The following GNL1 variants were observed in gnomAD, a reference collection of about 807,000 sequenced individuals.
The protein encoded by GNL1 is G protein nucleolar 1, also known as guanine nucleotide-binding protein-like 1.
GNL1 carries 21 observed loss-of-function variants against 75.2 expected under a neutral mutation model. That is an observed-to-expected ratio of 0.28 (90% confidence interval 0.20 to 0.40). The LOEUF (loss-of-function observed/expected upper bound fraction) is 0.40. Ranked by LOEUF, GNL1 falls within the 10% of genes least tolerant of loss-of-function variation. The pLI is 1.00. For missense variants in GNL1, 579 were observed against 775.0 expected, an observed-to-expected ratio of 0.75 and a Z score of 3.00; for synonymous variants, 287 against 303.4, an observed-to-expected ratio of 0.95 and a Z score of 0.56.
chr6:30,555,225 T>C lies in GNL1; in HGVS notation c.240-34A>G, dbSNP rs373837680. On this transcript the variant is annotated intron_variant, in intron 2 of 11. Transcript: ENST00000376621. This position sits in a 1 kb window ranked among gnomAD's most constrained non-coding sequence, Gnocchi z 4.3. The stretch of plus-strand genomic sequence containing the variant: ...ACAGGGACCGAGACATCCAGAGCAA[T>C]CCTGTGGCCACAAACTCCTATTTTC... 135 of 1,612,454 alleles carry C rather than the reference T, an allele frequency of 8.4e-5. No homozygotes were observed. Among genetic ancestry groups the C allele is most frequent in the Non-Finnish European group, 1.1e-4 (128 of 1,179,726 alleles).
In GNL1 at chr6:30,547,600, T is replaced by C; in HGVS notation, c.1100-70A>G. ...GTGATGGGACTTGGTGCTATACCTATAGGTAAAAGGGGAACTAAGGCTCAG... is the reference window on the plus strand; with the variant it reads ...GTGATGGGACTTGGTGCTATACCTACAGGTAAAAGGGGAACTAAGGCTCAG... On this transcript the variant is annotated intron_variant, in intron 8 of 11. Coordinates refer to ENST00000376621, the MANE Select transcript of GNL1 (RefSeq NM_005275.5). This position sits in a 1 kb window ranked among gnomAD's most constrained non-coding sequence, Gnocchi z 5.5. The C allele has an allele frequency of 2.3e-6, 3 of 1,285,258 alleles. No individual in the cohort carries two copies. Among genetic ancestry groups the C allele is most frequent in the South Asian group, 1.3e-5 (1 of 79,678 alleles). 79.6% of individuals were successfully genotyped at this position (1,285,258 alleles called of 1,614,324 possible).
At position 30,556,103 on chromosome 6, in the gene GNL1, C is replaced by T; in HGVS notation, c.73+28G>A. On this transcript the variant is annotated intron_variant, in intron 1 of 11. Coordinates refer to ENST00000376621, the MANE Select transcript of GNL1 (RefSeq NM_005275.5). This position sits in a 1 kb window ranked among gnomAD's most constrained non-coding sequence, Gnocchi z 5.7. ...TCCAGATGTGCGGAAGCCCGAGCCC[C>T]GCCCCCTCCTCCCGCTCCCGCACTG... 1.9e-6 allele frequency: 3 copies of T among 1,596,674 alleles called. No individual in the cohort carries two copies. In the South Asian group the frequency reaches 3.3e-5, roughly 18 times the overall value.
In GNL1 at chr6:30,555,079, G is replaced by T; in HGVS notation, c.352C>A (p.Arg118=). 6.2e-7 allele frequency: 1 copy of T among 1,612,862 alleles called. No individual in the cohort carries two copies. Among genetic ancestry groups the T allele is most frequent in the Non-Finnish European group, 8.5e-7 (1 of 1,179,986 alleles). The change falls in exon 3 of 12, where the codon CGG becomes AGG. Residue 118 remains arginine (R), a synonymous_variant. Coordinates refer to ENST00000376621, the MANE Select transcript of GNL1 (RefSeq NM_005275.5). The surrounding 1 kb of genome is among the most constrained non-coding windows in gnomAD (Gnocchi z 4.3). Reference sequence around the variant, plus strand: ...CCTGAGCCAGGCTGATACACCTCCCGGATGTCCAGCTCCAACAACTCAGCA... The same window carrying T: ...CCTGAGCCAGGCTGATACACCTCCCTGATGTCCAGCTCCAACAACTCAGCA... The part of the protein sequence containing the change: ...VSAELLELDI[R]EVYQPGSVLD...
In GNL1 at chr6:30,554,964, A is replaced by G. The variant is rs1336516013; in HGVS notation, c.377-49T>C. On this transcript the variant is annotated intron_variant, in intron 3 of 11. Transcript: ENST00000376621. ...AGTGTGAGGAAATCTTCAGGATTCA[A>G]GAGTACATCCCAGACCCCTCCTTCC... is the stretch of plus-strand genomic sequence containing the variant. The G allele has an allele frequency of 2.5e-6, 4 of 1,610,492 alleles. No homozygotes were observed. The Admixed American group carries it at 5.0e-5, about 20-fold the overall frequency.
rs1465812152 is a variant in GNL1, at chr6:30,548,510, C to G, written c.1100-980G>C. Among the ~76,000 whole-genome samples, 1 of 152,152 alleles carries G rather than the reference C, an allele frequency of 6.6e-6. No homozygotes were observed. Among genetic ancestry groups the G allele is most frequent in the Non-Finnish European group, 1.5e-5 (1 of 68,036 alleles). ...CTTAACACAGTAACACTATGCAATACCCAACTCGTGTCCTCAATTTCCTTC... is the reference window on the plus strand; with the variant it reads ...CTTAACACAGTAACACTATGCAATAGCCAACTCGTGTCCTCAATTTCCTTC... On this transcript the variant is annotated intron_variant, in intron 8 of 11. Coordinates refer to ENST00000376621, the MANE Select transcript of GNL1 (RefSeq NM_005275.5). The surrounding 1 kb of genome is among the most constrained non-coding windows in gnomAD (Gnocchi z 4.2).
rs1243472548 is a variant in GNL1, at chr6:30,555,040, C to A, written c.376+15G>T. The A allele has an allele frequency of 6.2e-7, 1 of 1,613,002 alleles. No homozygotes were observed. Among genetic ancestry groups the A allele is most frequent in the Non-Finnish European group, 8.5e-7 (1 of 1,179,994 alleles). ...ACTCCTTCCCCAGCCCAATGCCTGT[C>A]TTGCTCTCACTCACCTGAGCCAGGC... On this transcript the variant is annotated intron_variant, in intron 3 of 11. Transcript: ENST00000376621. The surrounding 1 kb of genome is among the most constrained non-coding windows in gnomAD (Gnocchi z 4.3).
chr6:30,553,588 G>A (rs1268195263), intron 5 of GNL1, 31 bp from the exon 6 acceptor site: 2 of 1,523,470 alleles, frequency 1.3e-6, no homozygotes, highest in Admixed American at 1.7e-5. Flanking sequence ...GGATGGAGCA[G>A]TGAAAGTCAA....
Position 30,547,565 on chromosome 6 carries a change from T to C in GNL1, c.1100-35A>G, listed in dbSNP as rs1460951851. ...GCAAGGAAAATTAACGTTTAACAGG[T>C]TTCTACTCTGTGATGGGACTTGGTG... On this transcript the variant is annotated intron_variant, in intron 8 of 11. Coordinates refer to ENST00000376621, the MANE Select transcript of GNL1 (RefSeq NM_005275.5). This position sits in a 1 kb window ranked among gnomAD's most constrained non-coding sequence, Gnocchi z 5.5. The C allele has an allele frequency of 6.3e-7, 1 of 1,582,830 alleles. No homozygotes were observed.
Position 30,556,073 on chromosome 6 carries a change from C to T in GNL1, c.73+58G>A. On this transcript the variant is annotated intron_variant, in intron 1 of 11. Coordinates refer to ENST00000376621, the MANE Select transcript of GNL1 (RefSeq NM_005275.5). This position sits in a 1 kb window ranked among gnomAD's most constrained non-coding sequence, Gnocchi z 5.7. The stretch of plus-strand genomic sequence containing the variant: ...CCCCAGAGGTGCAGCGGGCACACCC[C>T]TCCTTCCAGATGTGCGGAAGCCCGA... The T allele has an allele frequency of 1.9e-6, 3 of 1,578,662 alleles. No homozygotes were observed. Among genetic ancestry groups the T allele is most frequent in the Non-Finnish European group, 2.6e-6 (3 of 1,161,102 alleles).
rs1370668349 is a variant in GNL1, at chr6:30,542,480, C to G, written c.*3592G>C. ...CAGCCACGACCTCTCTTTCCCCAAG[C>G]TCCATTTGCATAAACTGTCTCTGAT... On this transcript the variant is annotated 3_prime_UTR_variant, in exon 12 of 12. Transcript: ENST00000376621. The surrounding 1 kb of genome is among the most constrained non-coding windows in gnomAD (Gnocchi z 4.5). 1 of 152,374 alleles carries G rather than the reference C, an allele frequency of 6.6e-6. No homozygotes were observed. Among genetic ancestry groups the G allele is most frequent in the Non-Finnish European group, 1.5e-5 (1 of 68,112 alleles). 9.4% of individuals were successfully genotyped at this position (152,374 alleles called of 1,614,324 possible).
rs1056056484 is a variant in GNL1, at chr6:30,545,868, G to T, written c.*204C>A. 1 of 556,412 alleles carries T rather than the reference G, an allele frequency of 1.8e-6. No individual in the cohort carries two copies. Among genetic ancestry groups the T allele is most frequent in the African/African-American group, 2.0e-5 (1 of 50,294 alleles). The allele number at this position is 556,412 out of a possible 1,614,324, so 34.5% of individuals were successfully genotyped here. A position where few individuals can be genotyped will look rare whatever the true frequency, so the allele number is the denominator to read the frequency against. On this transcript the variant is annotated 3_prime_UTR_variant, in exon 12 of 12. Transcript: ENST00000376621. ...CTAAGAGAACTTTCCCTTGCAAAGA[G>T]AATGCATGAAAAAAGAAGGGAGAAG... is the stretch of plus-strand genomic sequence containing the variant.
rs1170134878 is a variant in GNL1, at chr6:30,553,552, C to A, written c.606G>T (p.Val202=). ...LLITDIRHPV[V]NFPPALYEYV... The stretch of plus-strand genomic sequence containing the variant: ...ACTCATAAAGTGCTGGCGGGAAATT[C>A]ACAACCTAGGACAGAGTTGATAAGA... Residue 202 remains valine, a synonymous_variant, in exon 6 of 12, where the codon GTG becomes GTT. Coordinates refer to ENST00000376621, the MANE Select transcript of GNL1 (RefSeq NM_005275.5). The A allele has an allele frequency of 6.2e-7, 1 of 1,610,264 alleles. No individual in the cohort carries two copies. Among genetic ancestry groups the A allele is most frequent in the African/African-American group, 1.3e-5 (1 of 74,836 alleles).
Position 30,556,087 on chromosome 6 carries a change from G to A in GNL1, c.73+44C>T. 6.3e-7 allele frequency: 1 copy of A among 1,591,124 alleles called. No homozygotes were observed. The highest frequency in any genetic ancestry group is 8.5e-7 in the Non-Finnish European group (1 of 1,171,826). On this transcript the variant is annotated intron_variant, in intron 1 of 11. Transcript: ENST00000376621. The surrounding 1 kb of genome is among the most constrained non-coding windows in gnomAD (Gnocchi z 5.7). ...CGGGCACACCCCTCCTTCCAGATGT[G>A]CGGAAGCCCGAGCCCCGCCCCCTCC... is the stretch of plus-strand genomic sequence containing the variant.
chr6:30,545,988 C>T lies in GNL1; in HGVS notation c.*84G>A, dbSNP rs1224656644. 3.2e-6 allele frequency: 3 copies of T among 941,574 alleles called. No individual in the cohort carries two copies. The highest frequency in any genetic ancestry group is 4.9e-6 in the Non-Finnish European group (3 of 607,254). The allele number at this position is 941,574 out of a possible 1,614,324, so 58.3% of individuals were successfully genotyped here. A position where few individuals can be genotyped will look rare whatever the true frequency, so the allele number is the denominator to read the frequency against. ...CTACAAAGCAAACAATCTTTATTCA[C>T]AATTGGGGTGGCAGAGGGGAGATAC... On this transcript the variant is annotated 3_prime_UTR_variant, in exon 12 of 12. Transcript: ENST00000376621.
chr6:30,545,935 T>A lies in GNL1; in HGVS notation c.*137A>T. The A allele has an allele frequency of 1.5e-6, 1 of 671,438 alleles. No homozygotes were observed. 41.6% of individuals were successfully genotyped at this position (671,438 alleles called of 1,614,324 possible). Reference sequence around the variant, plus strand: ...ACAGCTGTTAGCCTGGAACAGCCGCTCTCACCTCAGTTCATCTGGGGAAGG... The same window carrying A: ...ACAGCTGTTAGCCTGGAACAGCCGCACTCACCTCAGTTCATCTGGGGAAGG... On this transcript the variant is annotated 3_prime_UTR_variant, in exon 12 of 12. Coordinates refer to ENST00000376621, the MANE Select transcript of GNL1 (RefSeq NM_005275.5).
rs369549010 is a variant in GNL1, at chr6:30,553,217, T to A, written c.809-38A>T. The A allele has an allele frequency of 3.3e-6, 5 of 1,515,368 alleles. No individual in the cohort carries two copies. In the African/African-American group the frequency reaches 6.8e-5, roughly 21 times the overall value. 93.9% of individuals were successfully genotyped at this position (1,515,368 alleles called of 1,614,324 possible). ...GGCACAAAAGGATGGGCACACGGGC[T>A]TAGGCCTCTCATCTCTCCCACCACC... On this transcript the variant is annotated intron_variant, in intron 6 of 11. Transcript: ENST00000376621.
chr6:30,555,534 A>T lies in GNL1; in HGVS notation c.239+21T>A. The T allele has an allele frequency of 6.3e-7, 1 of 1,599,224 alleles. No homozygotes were observed. Among genetic ancestry groups the T allele is most frequent in the Non-Finnish European group, 8.5e-7 (1 of 1,170,072 alleles). On this transcript the variant is annotated intron_variant, in intron 2 of 11. Transcript: ENST00000376621. This position sits in a 1 kb window ranked among gnomAD's most constrained non-coding sequence, Gnocchi z 4.3. ...CCGGGTAGGCGGGAAAGCCGGGACC[A>T]GCGCCCCCTCCCACCCTCACCGATT...
chr6:30,555,635 C>T lies in GNL1; in HGVS notation c.159G>A (p.Gly53=). 6.2e-7 allele frequency: 1 copy of T among 1,614,082 alleles called. No individual in the cohort carries two copies. Among genetic ancestry groups the T allele is most frequent in the Non-Finnish European group, 8.5e-7 (1 of 1,179,992 alleles). The change falls in exon 2 of 12, where the codon GGG becomes GGA. Residue 53 remains glycine (G), a synonymous_variant. Coordinates refer to ENST00000376621, the MANE Select transcript of GNL1 (RefSeq NM_005275.5). This position sits in a 1 kb window ranked among gnomAD's most constrained non-coding sequence, Gnocchi z 4.3. ...RREEQTDTSD[G]ESVTHHIRRL... ...TGCGGATATGATGGGTCACAGACTC[C>T]CCGTCCGAGGTGTCGGTCTGTTCCT...
chr6:30,549,142 C>T (rs375457367), intron 8 of GNL1, among the ~76,000 whole-genome samples: 1 of 152,056 alleles, frequency 6.6e-6, no homozygotes, highest in South Asian at 2.1e-4. Context: ...AGACCACAGG[C>T]GTGCGGCTCC....
Sources: gnomAD v4.1 joint callset for allele counts (sites outside exome capture counted in the v4.1 genomes callset) on GRCh38, gnomAD v4.1.1 for gene constraint, Gnocchi (gnomAD v3.1) non-coding constraint, MANE v1.5 for transcripts, NCBI Gene and HGNC (gene_info 2026-07-23, HGNC 2026-07-21) for gene names.